Variants in USP44 observed in about 807,000 individuals in gnomAD.
The protein encoded by USP44 is ubiquitin carboxyl-terminal hydrolase 44.
USP44 carries 61 observed loss-of-function variants against 69.0 expected under a neutral mutation model. The ratio of observed to expected loss-of-function variants is 0.88; its 90% CI spans 0.72 to 1.09. USP44 has a LOEUF of 1.09. Ranked by LOEUF, USP44 falls within the 50% of genes least tolerant of loss-of-function variation. USP44 has a pLI of 0.00. For missense variants in USP44, 753 were observed against 849.9 expected (o/e 0.89, Z 1.42); for synonymous variants, 297 against 295.4 (o/e 1.01, Z -0.06).
Position 95,518,372 on chromosome 12 carries a change from A to G in USP44, c.1940-19T>C. 6.2e-7 allele frequency: 1 copy of G among 1,611,842 alleles called. No individual in the cohort carries two copies. Among genetic ancestry groups the G allele is most frequent in the Non-Finnish European group, 8.5e-7 (1 of 1,178,760 alleles). The stretch of plus-strand genomic sequence containing the variant: ...CAGAACCCTAGAGTGAAGCACAGAA[A>G]TACATTTATGAAGGGACTTTAGAAA... On this transcript the variant is annotated intron_variant, in intron 5 of 5. Coordinates refer to ENST00000258499, the MANE Select transcript of USP44 (RefSeq NM_032147.5).
At position 95,541,051 on chromosome 12, in the gene USP44, G is replaced by A. The variant is rs185919885; in HGVS notation, c.-70-6725C>T. On this transcript the variant is annotated intron_variant, in intron 1 of 5. Transcript: ENST00000258499. ...TCCCAACACTTTGGGAGGCCAAGGC[G>A]GGCGGATCACGAGGTCAGGAGTTCA... Among the ~76,000 whole-genome samples, 44 of 152,290 alleles carry A rather than the reference G, an allele frequency of 2.9e-4. No individual in the cohort carries two copies. The East Asian group carries it at 7.5e-3, about 26-fold the overall frequency.
chr12:95,528,697 GA>G (rs1565813345), intron 3 of USP44, 109 bp downstream of exon 3: 3 of 1,181,370 alleles, frequency 2.5e-6, no homozygotes, highest in African/African-American at 1.5e-5. Context: ...TTGATGAACT[GA>G]AAAAAAGTTC....
intron 5 of USP44, among the ~76,000 whole-genome samples, chr12:95,519,432 A>ACTTTTTTTT (rs199606254): frequency 7.1e-5 from 6 of 84,544 alleles, no homozygotes; most frequent in East Asian, 3.5e-4. Context: ...CTCAATCTGT[A>ACTTTTTTTT]TTTTTTTTTT....
At chr12:95,530,950 G>A (rs2077000369) in intron 2 of USP44, among the ~76,000 whole-genome samples, 1 of 152,140 alleles carries the variant, frequency 6.6e-6, no homozygotes, top group African/African-American at 2.4e-5. Context: ...GGATCACAAG[G>A]TCAGGAGATC....
At chr12:95,540,159 T>G (rs1260240216) in intron 1 of USP44, among the ~76,000 whole-genome samples, 1 of 152,106 alleles carries the variant, frequency 6.6e-6, no homozygotes, top group East Asian at 1.9e-4. Context: ...TACCCAGACT[T>G]TACCCTTAGC....
rs976723880 is a variant in USP44 at position 95,537,180 on chromosome 12, A to G, written c.-70-2854T>C. 3.9e-5 allele frequency among the ~76,000 whole-genome samples: 6 copies of G among 152,190 alleles called. No individual in the cohort carries two copies. In the East Asian group the frequency reaches 1.2e-3, roughly 29 times the overall value. On this transcript the variant is annotated intron_variant, in intron 1 of 5. Transcript: ENST00000258499. ...GAGGTAGAATTAGTGCTTAACAAAC[A>G]TTAGTTGAGAGAATTTACTCAATTT...
At chr12:95,537,380 GCT>G (rs2077240882) in intron 1 of USP44, among the ~76,000 whole-genome samples, 1 of 152,104 alleles carries the variant, frequency 6.6e-6, no homozygotes, top group Admixed American at 6.6e-5. Context: ...GTGCAGGGGT[GCT>G]ATCTTAGCTC....
rs868159259 is a variant in USP44 at position 95,533,365 on chromosome 12, G to A, written c.892C>T (p.Arg298Ter). 6.4e-5 allele frequency: 103 copies of A among 1,612,786 alleles called. No homozygotes were observed. Among genetic ancestry groups the A allele is most frequent in the East Asian group, 1.8e-4 (8 of 44,868 alleles). Residue 298 changes from arginine (R) to a stop codon, truncating the protein, a stop_gained, in exon 2 of 6, where the codon CGA (arginine) becomes TGA (stop). Coordinates refer to ENST00000258499, the MANE Select transcript of USP44 (RefSeq NM_032147.5). LOFTEE classifies it high-confidence loss of function. Reference protein sequence around the residue: ...LQVLSHLLIFRQCFLKLDLNQ... With the variant: ...LQVLSHLLIF ...AGATCAAGCTTTAAAAAACATTGTC[G>A]AAAAATAAGTAAATGACTCAACACC...
At chr12:95,543,966 CAAAAAA>C (rs760105964) in intron 1 of USP44, among the ~76,000 whole-genome samples, 10 of 47,678 alleles carry the variant, frequency 2.1e-4, no homozygotes, top group African/African-American at 6.3e-4. Flanking sequence ...GACTGCATCT[CAAAAAA>C]AAAAAAAAAA....
chr12:95,541,319 C>T lies in USP44; in HGVS notation c.-70-6993G>A, dbSNP rs116597134. Reference sequence around the variant, plus strand: ...TTAATTCTGGCTGGGCACAGTGGCTCATGCTCAGAATACAAAGTCCTAGCA... The same window carrying T: ...TTAATTCTGGCTGGGCACAGTGGCTTATGCTCAGAATACAAAGTCCTAGCA... On this transcript the variant is annotated intron_variant, in intron 1 of 5. Transcript: ENST00000258499. 6.0e-3 allele frequency among the ~76,000 whole-genome samples: 908 copies of T among 152,126 alleles called. 8 individuals carry two copies. The highest frequency in any genetic ancestry group is 0.02 in the African/African-American group (843 of 41,490).
At chr12:95,545,669 C>T (rs1049622590) in intron 1 of USP44, among the ~76,000 whole-genome samples, 2 of 152,178 alleles carry the variant, frequency 1.3e-5, no homozygotes, top group Non-Finnish European at 2.9e-5. Flanking sequence ...TGTGAAACGC[C>T]AAGGGTCAAG....
At chr12:95,528,466 G>A (rs997578665) in intron 3 of USP44, among the ~76,000 whole-genome samples, 4 of 152,008 alleles carry the variant, frequency 2.6e-5, no homozygotes, top group African/African-American at 7.3e-5. Flanking sequence ...AGCCAAAAAA[G>A]CTCATAAAGC....
In USP44 at chr12:95,534,982, C is replaced by T. The variant is rs1188365067; in HGVS notation, c.-70-656G>A. Among the ~76,000 whole-genome samples the T allele has an allele frequency of 9.2e-5, 14 of 152,144 alleles. No individual in the cohort carries two copies. In the East Asian group the frequency reaches 2.5e-3, roughly 27 times the overall value. On this transcript the variant is annotated intron_variant, in intron 1 of 5. Transcript: ENST00000258499. ...AGGCGTGAACCACTGTGCCTGGCCC[C>T]TTTTCTTAATGACAGGGGTTGGCAA...
chr12:95,530,992 G>A lies in USP44; in HGVS notation c.1428+1837C>T, dbSNP rs147866839. 5.1e-4 allele frequency among the ~76,000 whole-genome samples: 77 copies of A among 152,042 alleles called. 1 individual carries two copies. The East Asian group carries it at 0.013, about 26-fold the overall frequency. On this transcript the variant is annotated intron_variant, in intron 2 of 5. Coordinates refer to ENST00000258499, the MANE Select transcript of USP44 (RefSeq NM_032147.5). ...ATCCTGGCTAACATGGTGAAACCCC[G>A]TCTCTACTAAAAACACAAAAAATTG...
intron 2 of USP44, among the ~76,000 whole-genome samples, chr12:95,530,353 G>GCTCA (rs1302004484): frequency 2.0e-5 from 3 of 152,180 alleles, no homozygotes; most frequent in African/African-American, 7.2e-5. Context: ...GGGTGTAGTG[G>GCTCA]CTCATGCCTG....
In USP44 at chr12:95,517,082, A is replaced by G. The variant is rs1453952583; in HGVS notation, c.*1072T>C. 6.6e-6 allele frequency: 1 copy of G among 150,900 alleles called. No homozygotes were observed. The highest frequency in any genetic ancestry group is 6.6e-5 in the Admixed American group (1 of 15,156). 9.3% of individuals were successfully genotyped at this position (150,900 alleles called of 1,614,324 possible). A position where few individuals can be genotyped will look rare whatever the true frequency, so the allele number is the denominator to read the frequency against. On this transcript the variant is annotated 3_prime_UTR_variant, in exon 6 of 6. Coordinates refer to ENST00000258499, the MANE Select transcript of USP44 (RefSeq NM_032147.5). ...TGTATTTTTTTTTGTGCAAGTTTAGATAGATAGCTTTTAGTTTTTTTTTTT... is the reference window on the plus strand; with the variant it reads ...TGTATTTTTTTTTGTGCAAGTTTAGGTAGATAGCTTTTAGTTTTTTTTTTT...
chr12:95,542,550 G>C (rs1286018098), intron 1 of USP44, among the ~76,000 whole-genome samples: 1 of 152,024 alleles, frequency 6.6e-6, no homozygotes, highest in African/African-American at 2.4e-5. Context: ...CAGATCACCT[G>C]AGGAGTTCAA....
chr12:95,542,232 C>G (rs754600641), intron 1 of USP44, among the ~76,000 whole-genome samples: 1 of 152,116 alleles, frequency 6.6e-6, no homozygotes, highest in Non-Finnish European at 1.5e-5. Flanking sequence ...TGCCAACTTG[C>G]CAAATGTGAA....
intron 1 of USP44, among the ~76,000 whole-genome samples, chr12:95,550,292 C>A (rs539405818): frequency 4.8e-4 from 72 of 150,562 alleles, no homozygotes; most frequent in Non-Finnish European, 1.3e-4. Flanking sequence ...GAAAAAAATA[C>A]CAAATATGTA....
Sources: allele counts gnomAD v4.1 joint callset (sites outside exome capture counted in the v4.1 genomes callset), GRCh38; gene constraint gnomAD v4.1.1; transcripts MANE v1.5; gene names NCBI Gene and HGNC (gene_info 2026-07-23, HGNC 2026-07-21).